The following METTL24 variants were observed in gnomAD, a reference collection of about 807,000 sequenced individuals.
METTL24 encodes methyltransferase like 24, also known as probable methyltransferase-like protein 24.
METTL24 carries 29 observed loss-of-function variants against 32.7 expected under a neutral mutation model. The ratio of observed to expected loss-of-function variants is 0.89; its 90% CI spans 0.66 to 1.21. The LOEUF (loss-of-function observed/expected upper bound fraction) is 1.21, where lower values mean the gene tolerates loss of function less well. Ranked by LOEUF, METTL24 falls within the 50% of genes most tolerant of loss-of-function variation. The pLI is 0.00. For missense variants in METTL24, 439 were observed against 468.1 expected (o/e 0.94, Z 0.57); for synonymous variants, 163 against 179.5 (o/e 0.91, Z 0.73).
intron 1 of METTL24, among the ~76,000 whole-genome samples, chr6:110,324,487 T>A (rs1375581050): frequency 2.0e-5 from 3 of 152,244 alleles, no homozygotes; most frequent in Admixed American, 6.5e-5. Context: ...GTAATTTTAT[T>A]ATTTTTTTTA....
chr6:110,298,184 T>G (rs1007093006), intron 4 of METTL24, among the ~76,000 whole-genome samples: 1 of 152,184 alleles, frequency 6.6e-6, no homozygotes, highest in African/African-American at 2.4e-5. Flanking sequence ...CAGGCCAAAA[T>G]AGCCAAACCC....
Position 110,244,976 on chromosome 6 carries a change from A to ATC in METTL24, c.*968_*969dup, listed in dbSNP as rs937724612. The stretch of plus-strand genomic sequence containing the variant: ...GCCAGTAGGAAAATCTATCTTATCT[A>ATC]TCTATCTATCTATCTATCTATCTAT... On this transcript the variant is annotated 3_prime_UTR_variant, in exon 5 of 5. Coordinates refer to ENST00000338882, the MANE Select transcript of METTL24 (RefSeq NM_001123364.3). Among the ~76,000 whole-genome samples, 6 of 151,424 alleles carry ATC rather than the reference A, an allele frequency of 4.0e-5. No homozygotes were observed. Among genetic ancestry groups the ATC allele is most frequent in the Non-Finnish European group, 7.4e-5 (5 of 67,878 alleles).
At chr6:110,347,855 G>A (rs1441682308) in intron 1 of METTL24, among the ~76,000 whole-genome samples, 1 of 152,132 alleles carries the variant, frequency 6.6e-6, no homozygotes, top group Non-Finnish European at 1.5e-5. Context: ...TAATAAATGA[G>A]TTATATGGGG....
intron 4 of METTL24, among the ~76,000 whole-genome samples, chr6:110,259,438 G>A (rs1180979350): frequency 4.6e-5 from 7 of 152,324 alleles, no homozygotes; most frequent in East Asian, 1.9e-4. Flanking sequence ...CACCATTGCC[G>A]AAGCTTGAGT....
chr6:110,266,972 A>G (rs1770867743), intron 4 of METTL24, among the ~76,000 whole-genome samples: 1 of 152,198 alleles, frequency 6.6e-6, no homozygotes, highest in Non-Finnish European at 1.5e-5. Flanking sequence ...TGAAAAAAAA[A>G]GCTGTAAGTT....
intron 4 of METTL24, among the ~76,000 whole-genome samples, chr6:110,272,330 C>A (rs1412614845): frequency 6.6e-6 from 1 of 152,196 alleles, no homozygotes. Context: ...AGTAGTATTC[C>A]ATGGTGTATA....
At chr6:110,269,346 T>C (rs1479166371) in intron 4 of METTL24, among the ~76,000 whole-genome samples, 1 of 152,164 alleles carries the variant, frequency 6.6e-6, no homozygotes, top group Non-Finnish European at 1.5e-5. Context: ...GTTGTTGTTT[T>C]CCCTTTAAAA....
chr6:110,279,094 A>G (rs968659698), intron 4 of METTL24, among the ~76,000 whole-genome samples: 1 of 152,344 alleles, frequency 6.6e-6, no homozygotes, highest in South Asian at 2.1e-4. Context: ...CTATCATTTC[A>G]TTTTAGAAAG....
chr6:110,358,263 C>G lies in METTL24; in HGVS notation c.10G>C (p.Glu4Gln). MAR[E>Q]RPPGRGCGVL... is the part of the protein sequence containing the mutation. ...CCGCAGCCCCTCCCGGGCGGCCTCT[C>G]CCGGGCCATGGCGCTACACTCGGGG... is the stretch of plus-strand genomic sequence containing the variant. Residue 4 changes from glutamate (E) to glutamine (Q), a missense_variant, in exon 1 of 5, where the codon GAG (glutamate) becomes CAG (glutamine). By Grantham distance (29) the Glu-to-Gln change is conservative. Coordinates refer to ENST00000338882, the MANE Select transcript of METTL24 (RefSeq NM_001123364.3). The G allele has an allele frequency of 6.8e-7, 1 of 1,477,286 alleles. No individual in the cohort carries two copies. The highest frequency in any genetic ancestry group is 8.9e-7 in the Non-Finnish European group (1 of 1,120,972). The allele number at this position is 1,477,286 out of a possible 1,614,324, so 91.5% of individuals were successfully genotyped here.
intron 1 of METTL24, among the ~76,000 whole-genome samples, chr6:110,329,116 T>C (rs1039803012): frequency 3.3e-5 from 5 of 152,228 alleles, no homozygotes; most frequent in African/African-American, 9.6e-5. Flanking sequence ...TCACAATAGA[T>C]AACTGATAGA....
At chr6:110,254,452 C>A (rs568301432) in intron 4 of METTL24, among the ~76,000 whole-genome samples, 200 of 152,074 alleles carry the variant, frequency 1.3e-3, no homozygotes, top group African/African-American at 4.2e-3. Context: ...GGCAACATGG[C>A]AAAATGCTGT....
chr6:110,330,542 C>A (rs1163860779), intron 1 of METTL24, among the ~76,000 whole-genome samples: 2 of 152,196 alleles, frequency 1.3e-5, no homozygotes, highest in Non-Finnish European at 2.9e-5. Flanking sequence ...CACTCTAGAA[C>A]TGTGCATGTG....
At chr6:110,276,870 T>A (rs1771057030) in intron 4 of METTL24, among the ~76,000 whole-genome samples, 1 of 151,742 alleles carries the variant, frequency 6.6e-6, no homozygotes, top group Non-Finnish European at 1.5e-5. Flanking sequence ...ATAATACAAA[T>A]AGAATTAGGG....
At chr6:110,335,807 A>C (rs974058456) in intron 1 of METTL24, among the ~76,000 whole-genome samples, 4 of 152,152 alleles carry the variant, frequency 2.6e-5, no homozygotes, top group Non-Finnish European at 4.4e-5. Flanking sequence ...AAGTTCAGAG[A>C]GGTGAAATGA....
chr6:110,278,065 AGTGT>A (rs1256069960), intron 4 of METTL24, among the ~76,000 whole-genome samples: 7 of 152,142 alleles, frequency 4.6e-5, no homozygotes, highest in African/African-American at 1.7e-4. Context: ...TGATGATATT[AGTGT>A]GTTTGTTTTT....
chr6:110,285,798 T>G (rs1183497653), intron 4 of METTL24, among the ~76,000 whole-genome samples: 1 of 152,184 alleles, frequency 6.6e-6, no homozygotes, highest in African/African-American at 2.4e-5. Flanking sequence ...CTCTGCTCCC[T>G]CAAGAGGCAC....
At chr6:110,276,271 C>CA (rs1428383876) in intron 4 of METTL24, among the ~76,000 whole-genome samples, 1 of 151,524 alleles carries the variant, frequency 6.6e-6, no homozygotes, top group Non-Finnish European at 1.5e-5. Context: ...TCATCTCTAC[C>CA]AAAAAAAATT....
intron 3 of METTL24, among the ~76,000 whole-genome samples, chr6:110,310,694 T>C (rs1165384778): frequency 6.6e-6 from 1 of 152,216 alleles, no homozygotes; most frequent in East Asian, 1.9e-4. Flanking sequence ...CACAGACAAA[T>C]GCCTTTTCCA....
intron 1 of METTL24, among the ~76,000 whole-genome samples, chr6:110,354,220 T>A (rs1050155545): frequency 6.6e-6 from 1 of 152,226 alleles, no homozygotes. Context: ...GAGCTAGTTC[T>A]TGCATGGCTC....
Sources: gnomAD v4.1 joint callset for allele counts (sites outside exome capture counted in the v4.1 genomes callset) on GRCh38, gnomAD v4.1.1 for gene constraint, MANE v1.5 for transcripts, NCBI Gene and HGNC (gene_info 2026-07-23, HGNC 2026-07-21) for gene names.